The following B3GALT1 variants were observed in gnomAD, a reference collection of about 807,000 sequenced individuals.
The protein encoded by B3GALT1 is UDP-Gal:betaGlcNAc beta 1,3-galactosyltransferase, polypeptide 1.
Under a neutral mutation model 23.2 loss-of-function variants are expected in B3GALT1, and 10 were observed. The observed-to-expected ratio is 0.43, with a 90% CI of 0.27 to 0.73. The LOEUF (loss-of-function observed/expected upper bound fraction) is 0.73, where lower values mean the gene tolerates loss of function less well. B3GALT1 is among the 30% of genes least tolerant of loss of function. The pLI is 0.21. For synonymous variants in B3GALT1, 156 were observed against 141.5 expected (o/e 1.10, Z -0.73); for missense variants, 299 against 405.4 (o/e 0.74, Z 2.25).
chr2:167,350,834 C>G (rs868622372), intron 1 of B3GALT1, among the ~76,000 whole-genome samples: 1 of 152,198 alleles, frequency 6.6e-6, no homozygotes, highest in East Asian at 1.9e-4. Context: ...ACCACTTGAG[C>G]CTGGTATGCA....
chr2:167,806,615 C>T (rs1301733402), intron 3 of B3GALT1, among the ~76,000 whole-genome samples: 9 of 152,090 alleles, frequency 5.9e-5, no homozygotes, highest in African/African-American at 1.2e-4. Context: ...TGCTGGATTA[C>T]GTTTATTGAT....
chr2:167,686,559 T>C (rs1182782494), intron 3 of B3GALT1, among the ~76,000 whole-genome samples: 2 of 152,188 alleles, frequency 1.3e-5, no homozygotes, highest in African/African-American at 4.8e-5. Context: ...TATTGTTACT[T>C]ATTTGATGAT....
chr2:167,474,519 C>T (rs1699465022), intron 1 of B3GALT1, among the ~76,000 whole-genome samples: 1 of 152,220 alleles, frequency 6.6e-6, no homozygotes, highest in Non-Finnish European at 1.5e-5. Context: ...TAATATTAGT[C>T]AAGACTAAGC....
At chr2:167,532,720 G>T (rs1259198769) in intron 2 of B3GALT1, among the ~76,000 whole-genome samples, 3 of 151,218 alleles carry the variant, frequency 2.0e-5, no homozygotes, top group Admixed American at 6.6e-5. Flanking sequence ...TCATTTTTAG[G>T]TTTTTTTTAA....
intron 1 of B3GALT1, among the ~76,000 whole-genome samples, chr2:167,324,403 T>A (rs1696859784): frequency 6.6e-6 from 1 of 152,048 alleles, no homozygotes; most frequent in South Asian, 2.1e-4. Flanking sequence ...CACATTACTT[T>A]ATAATAGATG....
chr2:167,610,973 A>C (rs974485023), intron 2 of B3GALT1, among the ~76,000 whole-genome samples: 6 of 151,398 alleles, frequency 4.0e-5, no homozygotes, highest in Non-Finnish European at 8.9e-5. Flanking sequence ...CTGGACACAA[A>C]GAGGGGAACA....
At chr2:167,560,759 T>C (rs1683964850) in intron 2 of B3GALT1, among the ~76,000 whole-genome samples, 1 of 152,076 alleles carries the variant, frequency 6.6e-6, no homozygotes, top group African/African-American at 2.4e-5. Flanking sequence ...GAGCTAACTG[T>C]CCTAAATATA....
chr2:167,387,846 G>A (rs1443261366), intron 1 of B3GALT1, among the ~76,000 whole-genome samples: 1 of 152,104 alleles, frequency 6.6e-6, no homozygotes, highest in Non-Finnish European at 1.5e-5. Context: ...CTTACTTTGT[G>A]CATCTGGCAG....
At chr2:167,426,327 C>T (rs1030422164) in intron 1 of B3GALT1, among the ~76,000 whole-genome samples, 6 of 147,980 alleles carry the variant, frequency 4.1e-5, no homozygotes, top group Admixed American at 1.4e-4. Flanking sequence ...CAGGCTGGAG[C>T]GCAGTGGTGC....
At chr2:167,512,568 GTATATATATATGTATATATATATGTGTA>G (rs1162024315) in intron 2 of B3GALT1, among the ~76,000 whole-genome samples, 6 of 38,734 alleles carry the variant, frequency 1.5e-4, no homozygotes, top group Non-Finnish European at 2.7e-4. Flanking sequence ...ATATATATAT[GTATATATATATGTATATATATATGTGTA>G]TATATATATA....
chr2:167,674,322 C>T (rs973464001), intron 3 of B3GALT1, among the ~76,000 whole-genome samples: 1 of 152,098 alleles, frequency 6.6e-6, no homozygotes, highest in African/African-American at 2.4e-5. Flanking sequence ...GTCTTTGTCT[C>T]CATCTCTCCC....
chr2:167,329,917 A>G (rs1267338242), intron 1 of B3GALT1, among the ~76,000 whole-genome samples: 3 of 152,096 alleles, frequency 2.0e-5, no homozygotes, highest in African/African-American at 7.2e-5. Context: ...GGGTTAATTA[A>G]TAGATGATAC....
chr2:167,631,750 C>G (rs1002199630), intron 2 of B3GALT1, among the ~76,000 whole-genome samples: 1 of 146,078 alleles, frequency 6.8e-6, no homozygotes, highest in Non-Finnish European at 1.5e-5. Flanking sequence ...TCTCTCTCAC[C>G]TACCTCTCCT....
intron 2 of B3GALT1, among the ~76,000 whole-genome samples, chr2:167,620,395 G>A (rs967190358): frequency 4.6e-5 from 7 of 152,064 alleles, no homozygotes; most frequent in Non-Finnish European, 1.0e-4. Context: ...AAGTTGTACA[G>A]ATCTTTGTAG....
intron 2 of B3GALT1, among the ~76,000 whole-genome samples, chr2:167,623,873 T>C (rs1344722290): frequency 6.6e-6 from 1 of 152,078 alleles, no homozygotes; most frequent in African/African-American, 2.4e-5. Context: ...GTATTTAATA[T>C]ATGAACTCAA....
chr2:167,641,286 C>G (rs911730866), intron 2 of B3GALT1, among the ~76,000 whole-genome samples: 6 of 152,184 alleles, frequency 3.9e-5, no homozygotes, highest in African/African-American at 1.4e-4. Flanking sequence ...TTTCTCACTT[C>G]CCATTTTCCC....
chr2:167,704,904 G>A (rs1470391133), intron 3 of B3GALT1, among the ~76,000 whole-genome samples: 3 of 152,020 alleles, frequency 2.0e-5, no homozygotes, highest in Non-Finnish European at 4.4e-5. Context: ...AAAAAGCATT[G>A]ATTTTATCAT....
At chr2:167,412,128 GAACA>G (rs1698401980) in intron 1 of B3GALT1, among the ~76,000 whole-genome samples, 1 of 20,844 alleles carries the variant, frequency 4.8e-5, no homozygotes, top group Admixed American at 7.3e-4. Context: ...TGGCACGGTA[GAACA>G]AATAAATAAG....
intron 1 of B3GALT1, among the ~76,000 whole-genome samples, chr2:167,471,494 A>G (rs568126030): frequency 2.0e-5 from 3 of 152,316 alleles, no homozygotes; most frequent in East Asian, 3.9e-4. Flanking sequence ...GGCAGCTTCT[A>G]TCAGAAACTA....
Sources: allele counts gnomAD v4.1 joint callset (sites outside exome capture counted in the v4.1 genomes callset), GRCh38; gene constraint gnomAD v4.1.1; transcripts MANE v1.5; gene names NCBI Gene and HGNC (gene_info 2026-07-23, HGNC 2026-07-21).